Variants in AP1M1 observed in about 807,000 individuals in gnomAD.
The protein encoded by AP1M1 is AP-1 complex subunit mu-1.
AP1M1 carries 18 observed loss-of-function variants against 57.1 expected under a neutral mutation model. The observed-to-expected ratio is 0.32, with a 90% CI of 0.22 to 0.47. AP1M1 has a LOEUF of 0.47. Ranked by LOEUF, AP1M1 falls within the 20% of genes least tolerant of loss-of-function variation. AP1M1 has a pLI of 1.00. For missense variants in AP1M1, 362 were observed against 593.5 expected, an observed-to-expected ratio of 0.61 and a Z score of 4.05; for synonymous variants, 241 against 237.9, an observed-to-expected ratio of 1.01 and a Z score of -0.12.
chr19:16,212,143 C>T (rs2091497223), intron 5 of AP1M1, among the ~76,000 whole-genome samples: 1 of 152,098 alleles, frequency 6.6e-6, no homozygotes, highest in South Asian at 2.1e-4. Flanking sequence ...GTCCCTCCTC[C>T]TCCGTTTTTT....
intron 5 of AP1M1, among the ~76,000 whole-genome samples, chr19:16,213,806 C>CT (rs1276476479): frequency 6.6e-6 from 1 of 151,992 alleles, no homozygotes; most frequent in Non-Finnish European, 1.5e-5. Flanking sequence ...AGAATGGTGT[C>CT]TTAAAGGGAG....
intron 9 of AP1M1, among the ~76,000 whole-genome samples, chr19:16,231,336 T>TTAGA (rs922245714): frequency 6.8e-6 from 1 of 147,418 alleles, no homozygotes; most frequent in Non-Finnish European, 1.5e-5. Context: ...GAAATACAGA[T>TTAGA]TAGATAGATA....
chr19:16,206,411 G>A lies in AP1M1; in HGVS notation c.267+3G>A. 6.2e-7 allele frequency: 1 copy of A among 1,614,044 alleles called. No individual in the cohort carries two copies. Among genetic ancestry groups the A allele is most frequent in the Non-Finnish European group, 8.5e-7 (1 of 1,179,970 alleles). On this transcript the variant is annotated splice_donor_region_variant and intron_variant, in intron 3 of 11. Transcript: ENST00000291439. This position sits in a 1 kb window ranked among gnomAD's most constrained non-coding sequence, Gnocchi z 4.3. ...CTTTCCTCTATAAGGTGGTGCAGGTGAGTCTCGCTCGGAGGGGCCGTGGGC... is the reference window on the plus strand; with the variant it reads ...CTTTCCTCTATAAGGTGGTGCAGGTAAGTCTCGCTCGGAGGGGCCGTGGGC...
intron 5 of AP1M1, chr19:16,210,520 A>G (rs1403399132): frequency 1.5e-6 from 1 of 654,538 alleles, no homozygotes; most frequent in Non-Finnish European, 2.8e-6. Flanking sequence ...TGTCATCCTA[A>G]TAGGTATGTA....
chr19:16,201,022 C>T (rs902698644), intron 1 of AP1M1, among the ~76,000 whole-genome samples: 3 of 152,138 alleles, frequency 2.0e-5, no homozygotes, highest in Non-Finnish European at 4.4e-5. Flanking sequence ...GAGGTCCCGC[C>T]GCCACCATAA....
Position 16,211,728 on chromosome 19 carries a change from C to T in AP1M1, c.546+2551C>T, listed in dbSNP as rs148131338. ...TTGTGCCACCGCACTCCAGCCTGGG[C>T]GACAGAGCAAGACCCTGTTTCAAAA... On this transcript the variant is annotated intron_variant, in intron 5 of 11. Coordinates refer to ENST00000291439, the MANE Select transcript of AP1M1 (RefSeq NM_032493.4). Among the ~76,000 whole-genome samples, 25 of 151,474 alleles carry T rather than the reference C, an allele frequency of 1.7e-4. No individual in the cohort carries two copies. In the East Asian group the frequency reaches 3.7e-3, roughly 22 times the overall value.
chr19:16,209,241 G>C, intron 5 of AP1M1, 64 bp downstream of exon 5: 2 of 1,578,640 alleles, frequency 1.3e-6, no homozygotes, highest in South Asian at 2.3e-5. Context: ...AATAAACACA[G>C]CATTTTAAAA....
chr19:16,233,302 C>T lies in AP1M1; in HGVS notation c.1048-191C>T, dbSNP rs1465706615. On this transcript the variant is annotated intron_variant, in intron 9 of 11. Transcript: ENST00000291439. ...ATCCTCATGGGGCAGCTGGGCACCC[C>T]AGAGCAGGGGCTGTCCTTACCAGCC... 1.3e-5 allele frequency among the ~76,000 whole-genome samples: 2 copies of T among 152,194 alleles called. 1 individual carries two copies. Among genetic ancestry groups the T allele is most frequent in the Non-Finnish European group, 2.9e-5 (2 of 68,016 alleles).
chr19:16,197,991 C>CGCCCTCGGCCGCTGCCGCCGCCACT lies in AP1M1; in HGVS notation c.-19_-18insCCGCCACTGCCCTCGGCCGCTGCCG, dbSNP rs1172835239. 7.8e-6 allele frequency: 12 copies of CGCCCTCGGCCGCTGCCGCCGCCACT among 1,547,782 alleles called. No homozygotes were observed. In the African/African-American group the frequency reaches 9.9e-5, roughly 13 times the overall value. On this transcript the variant is annotated 5_prime_UTR_variant, in exon 1 of 12. Transcript: ENST00000291439. ...TCCCCACCGTCGCTGCCGCCGCCACCGCCCTCGGCCGCTGCCGAGGCCTCC... is the reference window on the plus strand; with the variant it reads ...TCCCCACCGTCGCTGCCGCCGCCACCGCCCTCGGCCGCTGCCGCCGCCACTGCCCTCGGCCGCTGCCGAGGCCTCC...
chr19:16,215,463 CAAAAAAAAAA>C (rs59357311), intron 5 of AP1M1, among the ~76,000 whole-genome samples: 5 of 31,002 alleles, frequency 1.6e-4, no homozygotes, highest in South Asian at 1.8e-3. Flanking sequence ...GATTCCATCT[CAAAAAAAAAA>C]AAAAAAAAAA....
chr19:16,239,989 T>C lies in AP1M1; in HGVS notation c.*5554T>C, dbSNP rs776598830. ...TTCAACCAAGAGTGAGTTGAAAATA[T>C]TTGAAAAACAATTGTGTCTGTGCTG... On this transcript the variant is annotated 3_prime_UTR_variant, in exon 12 of 12. Coordinates refer to ENST00000291439, the MANE Select transcript of AP1M1 (RefSeq NM_032493.4). 1 of 152,096 alleles carries C rather than the reference T, an allele frequency of 6.6e-6. No homozygotes were observed. The highest frequency in any genetic ancestry group is 1.5e-5 in the Non-Finnish European group (1 of 68,010). The allele number at this position is 152,096 out of a possible 1,614,324, so 9.4% of individuals were successfully genotyped here.
chr19:16,209,293 C>T (rs1195652938), intron 5 of AP1M1, 116 bp downstream of exon 5: 3 of 1,203,030 alleles, frequency 2.5e-6, no homozygotes, highest in Non-Finnish European at 3.5e-6. Context: ...TAACAGATAG[C>T]AGGATTCAGT....
At chr19:16,210,788 G>C (rs912221763) in intron 5 of AP1M1, among the ~76,000 whole-genome samples, 3 of 152,036 alleles carry the variant, frequency 2.0e-5, no homozygotes, top group African/African-American at 7.2e-5. Flanking sequence ...TCGAACTCCT[G>C]ACCTCAGATG....
intron 5 of AP1M1, among the ~76,000 whole-genome samples, chr19:16,217,491 C>T (rs1041882363): frequency 1.3e-5 from 2 of 152,140 alleles, no homozygotes; most frequent in African/African-American, 4.8e-5. Flanking sequence ...GGGAGCGGGG[C>T]TCAGGTGGGC....
intron 5 of AP1M1, among the ~76,000 whole-genome samples, chr19:16,210,560 T>G (rs2091489287): frequency 6.8e-6 from 1 of 147,180 alleles, no homozygotes; most frequent in Non-Finnish European, 1.5e-5. Flanking sequence ...TTGTGTTTTG[T>G]TTTTGTTTTT....
chr19:16,203,738 CT>C lies in AP1M1; in HGVS notation c.199+124del, dbSNP rs1303246428. ...CGCAAGCATTGGACACAGCCATGCCCTCCTGGAGCTCCCTGCTGCCTGCGGA... is the reference window on the plus strand; with the variant it reads ...CGCAAGCATTGGACACAGCCATGCCCCCTGGAGCTCCCTGCTGCCTGCGGA... On this transcript the variant is annotated intron_variant, in intron 2 of 11. Transcript: ENST00000291439. This position sits in a 1 kb window ranked among gnomAD's most constrained non-coding sequence, Gnocchi z 4.6. 30 of 1,008,946 alleles carry C rather than the reference CT, an allele frequency of 3.0e-5. No individual in the cohort carries two copies. Among genetic ancestry groups the C allele is most frequent in the Middle Eastern group, 5.0e-4 (2 of 3,966 alleles). The allele number at this position is 1,008,946 out of a possible 1,614,324, so 62.5% of individuals were successfully genotyped here. A position where few individuals can be genotyped will look rare whatever the true frequency, so the allele number is the denominator to read the frequency against.
chr19:16,228,973 C>T lies in AP1M1; in HGVS notation c.1047+45C>T, dbSNP rs1398153299. On this transcript the variant is annotated intron_variant, in intron 9 of 11. Coordinates refer to ENST00000291439, the MANE Select transcript of AP1M1 (RefSeq NM_032493.4). The surrounding 1 kb of genome is among the most constrained non-coding windows in gnomAD (Gnocchi z 5.0). ...ATCCACGTGCCCCCTGCGCCTGTCT[C>T]TGCAAGGCAGCCTGGGTGCCTCAGG... The T allele has an allele frequency of 6.3e-7, 1 of 1,595,548 alleles. No homozygotes were observed. The highest frequency in any genetic ancestry group is 1.7e-5 in the Admixed American group (1 of 59,266).
chr19:16,228,275 G>A lies in AP1M1; in HGVS notation c.888+67G>A, dbSNP rs1164861577. On this transcript the variant is annotated intron_variant, in intron 8 of 11. Coordinates refer to ENST00000291439, the MANE Select transcript of AP1M1 (RefSeq NM_032493.4). The surrounding 1 kb of genome is among the most constrained non-coding windows in gnomAD (Gnocchi z 5.0). ...TCTGGCCCGTCCCAGGAGCCTAACC[G>A]AGGGCTGGGGGTGCCGTAGGGCTGC... The A allele has an allele frequency of 1.4e-5, 21 of 1,529,634 alleles. No individual in the cohort carries two copies. The highest frequency in any genetic ancestry group is 8.1e-6 in the Non-Finnish European group (9 of 1,116,332). The allele number at this position is 1,529,634 out of a possible 1,614,324, so 94.8% of individuals were successfully genotyped here.
Position 16,209,165 on chromosome 19 carries a change from T to A in AP1M1, c.534T>A (p.Ser178=), listed in dbSNP as rs773112928. The A allele has an allele frequency of 4.6e-5, 75 of 1,614,074 alleles. No individual in the cohort carries two copies. Among genetic ancestry groups the A allele is most frequent in the Admixed American group, 1.2e-4 (7 of 60,006 alleles). ...AGGTGTTCTTGGACGTCATCGAGTC[T>A]GTCAACCTCTTGGTAGGCCTCTTTT... is the stretch of plus-strand genomic sequence containing the variant. ...KNEVFLDVIE[S]VNLLVSANGN... The change falls in exon 5 of 12, where the codon TCT becomes TCA. Residue 178 remains serine, a synonymous_variant. Transcript: ENST00000291439.
Sources: allele counts gnomAD v4.1 joint callset (sites outside exome capture counted in the v4.1 genomes callset), GRCh38; gene constraint gnomAD v4.1.1; non-coding constraint Gnocchi (gnomAD v3.1); transcripts MANE v1.5; gene names NCBI Gene and HGNC (gene_info 2026-07-23, HGNC 2026-07-21).